EPOR: variants seen among roughly 807,000 people sequenced by gnomAD.
EPOR encodes the protein erythropoietin receptor.
In EPOR, 20 loss-of-function variants were observed where a neutral mutation model predicts 34.3. The observed-to-expected ratio is 0.58, with a 90% CI of 0.41 to 0.85. EPOR has a LOEUF of 0.85. EPOR is among the 40% of genes least tolerant of loss of function. EPOR has a pLI of 0.00. For missense variants in EPOR, 601 were observed against 672.7 expected, an observed-to-expected ratio of 0.89 and a Z score of 1.18; for synonymous variants, 312 against 299.0, an observed-to-expected ratio of 1.04 and a Z score of -0.45.
At chr19:11,382,653 G>A (rs1295678877) in intron 2 of EPOR, among the ~76,000 whole-genome samples, 2 of 152,008 alleles carry the variant, frequency 1.3e-5, no homozygotes, top group African/African-American at 2.4e-5. Flanking sequence ...GTGAGCCACC[G>A]CGCCCAGTCT....
At position 11,381,482 on chromosome 19, in the gene EPOR, G is replaced by C. The variant is rs1169166153; in HGVS notation, c.585+210C>G. On this transcript the variant is annotated intron_variant, in intron 4 of 7. Coordinates refer to ENST00000222139, the MANE Select transcript of EPOR (RefSeq NM_000121.4). The surrounding 1 kb of genome is among the most constrained non-coding windows in gnomAD (Gnocchi z 5.3). ...TAAAGGGGTCTAGGGTTACGGGCCG[G>C]AGGGAGAAGAAGTTGGGGTTCAACA... Among the ~76,000 whole-genome samples, 1 of 152,212 alleles carries C rather than the reference G, an allele frequency of 6.6e-6. No homozygotes were observed. The highest frequency in any genetic ancestry group is 1.9e-4 in the East Asian group (1 of 5,192).
intron 2 of EPOR, among the ~76,000 whole-genome samples, chr19:11,382,361 CTTTT>C (rs869111819): frequency 1.6e-5 from 2 of 124,890 alleles, no homozygotes; most frequent in Non-Finnish European, 1.7e-5. Flanking sequence ...CCACGCCTGG[CTTTT>C]TTTTTTTTTT....
In EPOR at chr19:11,380,978, G is replaced by A. The variant is rs1968347169; in HGVS notation, c.740-7C>T. ...AGGATGAGGGGGTCCAGGTCTAAGA[G>A]GCGGGGAGGAGGTCAGGGCGGTGGG... On this transcript the variant is annotated splice_polypyrimidine_tract_variant and splice_region_variant and intron_variant, in intron 5 of 7. Transcript: ENST00000222139. 6 of 1,553,112 alleles carry A rather than the reference G, an allele frequency of 3.9e-6. No homozygotes were observed. In the East Asian group the frequency reaches 1.5e-4, roughly 38 times the overall value.
Position 11,383,625 on chromosome 19 carries a change from G to A in EPOR, c.116-393C>T, listed in dbSNP as rs1047263475. The A allele has an allele frequency of 1.3e-4, 30 of 232,854 alleles. No homozygotes were observed. The highest frequency in any genetic ancestry group is 2.1e-4 in the Non-Finnish European group (25 of 118,198). 14.4% of individuals were successfully genotyped at this position (232,854 alleles called of 1,614,324 possible). A position where few individuals can be genotyped will look rare whatever the true frequency, so the allele number is the denominator to read the frequency against. ...TCCCCGCCAACCGATAGCGCCAACCGTGCCCCCCGCCTCCCTCCCTCCACC... is the reference window on the plus strand; with the variant it reads ...TCCCCGCCAACCGATAGCGCCAACCATGCCCCCCGCCTCCCTCCCTCCACC... On this transcript the variant is annotated intron_variant, in intron 1 of 7. Coordinates refer to ENST00000222139, the MANE Select transcript of EPOR (RefSeq NM_000121.4). This position sits in a 1 kb window ranked among gnomAD's most constrained non-coding sequence, Gnocchi z 4.9.
rs1409208771 is a variant in EPOR at position 11,381,730 on chromosome 19, C to G, written c.547G>C (p.Asp183His). ...PMTSHIRYEV[D>H]VSAGNGAGSV... ...CCTGCGCCGTTGCCGGCCGAGACGT[C>G]CACCTCGTAGCGGATGTGAGACGTC... Residue 183 changes from aspartate (D) to histidine (H), a missense_variant, in exon 4 of 8, where the codon GAC (aspartate) becomes CAC (histidine). Asp to His is a moderately conservative substitution (Grantham distance 81). Coordinates refer to ENST00000222139, the MANE Select transcript of EPOR (RefSeq NM_000121.4). This position sits in a 1 kb window ranked among gnomAD's most constrained non-coding sequence, Gnocchi z 5.3. The G allele has an allele frequency of 6.2e-7, 1 of 1,612,430 alleles. No individual in the cohort carries two copies. The highest frequency in any genetic ancestry group is 8.5e-7 in the Non-Finnish European group (1 of 1,179,424).
In EPOR at chr19:11,381,579, A is replaced by T; in HGVS notation, c.585+113T>A. On this transcript the variant is annotated intron_variant, in intron 4 of 7. Transcript: ENST00000222139. This position sits in a 1 kb window ranked among gnomAD's most constrained non-coding sequence, Gnocchi z 5.3. ...CGGTCTTCAGCACCAGGGTAATGGG[A>T]TGTGGGATGTTACGGACCGGCCCTG... The T allele has an allele frequency of 9.2e-7, 1 of 1,083,180 alleles. No individual in the cohort carries two copies. The highest frequency in any genetic ancestry group is 1.3e-6 in the Non-Finnish European group (1 of 747,296). 67.1% of individuals were successfully genotyped at this position (1,083,180 alleles called of 1,614,324 possible).
chr19:11,381,384 A>C lies in EPOR; in HGVS notation c.586-175T>G, dbSNP rs78532283. On this transcript the variant is annotated intron_variant, in intron 4 of 7. Transcript: ENST00000222139. This position sits in a 1 kb window ranked among gnomAD's most constrained non-coding sequence, Gnocchi z 5.3. ...AAAGCTCAGGGCCAATCAGAGAGAGAGTCTCTGGTACGAAAGGGCGGGACC... is the reference window on the plus strand; with the variant it reads ...AAAGCTCAGGGCCAATCAGAGAGAGCGTCTCTGGTACGAAAGGGCGGGACC... The C allele has an allele frequency of 0.017, 12,765 of 743,900 alleles. 189 individuals carry two copies. Among genetic ancestry groups the C allele is most frequent in the Non-Finnish European group, 0.024 (10,691 of 452,892 alleles). 46.1% of individuals were successfully genotyped at this position (743,900 alleles called of 1,614,324 possible). A position where few individuals can be genotyped will look rare whatever the true frequency, so the allele number is the denominator to read the frequency against.
At chr19:11,380,778 G>A in intron 6 of EPOR, 106 bp downstream of exon 6, 1 of 896,716 alleles carries the variant, frequency 1.1e-6, no homozygotes, top group South Asian at 1.4e-5. Flanking sequence ...TCCTTACTGC[G>A]TGACCTTGGG....
In EPOR at chr19:11,378,465, G is replaced by A. The variant is rs773011773; in HGVS notation, c.1046C>T (p.Thr349Ile). The A allele has an allele frequency of 1.9e-6, 3 of 1,614,156 alleles. No homozygotes were observed. The highest frequency in any genetic ancestry group is 1.1e-5 in the South Asian group (1 of 91,088). The change falls in exon 8 of 8, where the codon ACA becomes ATA. Residue 349 changes from threonine (T) to isoleucine (I), a missense_variant. Physicochemically the swap from Thr to Ile is moderately conservative, Grantham distance 89. Transcript: ENST00000222139. The surrounding 1 kb of genome is among the most constrained non-coding windows in gnomAD (Gnocchi z 5.3). ...WGTMQAVEPG[T>I]DDEGPLLEPV... ...CTCCAGCAGGGGGCCCTCATCATCT[G>A]TCCCCGGCTCCACTGCCTGCATCGT...
chr19:11,377,363 AAG>A lies in EPOR; in HGVS notation c.*619_*620del. On this transcript the variant is annotated 3_prime_UTR_variant, in exon 8 of 8. Coordinates refer to ENST00000222139, the MANE Select transcript of EPOR (RefSeq NM_000121.4). ...TTTCCAGCCAGTGAGGTGTGAGAAG[AAG>A]AGAGGAAGCCCATTTCCAGGCCAGA... is the stretch of plus-strand genomic sequence containing the variant. 4.4e-6 allele frequency: 2 copies of A among 454,056 alleles called. No individual in the cohort carries two copies. The highest frequency in any genetic ancestry group is 8.8e-6 in the Non-Finnish European group (2 of 226,788). The allele number at this position is 454,056 out of a possible 1,614,324, so 28.1% of individuals were successfully genotyped here.
chr19:11,378,676 A>G lies in EPOR; in HGVS notation c.915+15T>C, dbSNP rs774415917. 1 of 1,614,170 alleles carries G rather than the reference A, an allele frequency of 6.2e-7. No individual in the cohort carries two copies. Among genetic ancestry groups the G allele is most frequent in the Non-Finnish European group, 8.5e-7 (1 of 1,179,992 alleles). ...AGGGAAGCCCAGGCACTGAGGGGAC[A>G]ACCAGGCCACCTACCTGGAAGTTAC... On this transcript the variant is annotated intron_variant, in intron 7 of 7. Coordinates refer to ENST00000222139, the MANE Select transcript of EPOR (RefSeq NM_000121.4). The surrounding 1 kb of genome is among the most constrained non-coding windows in gnomAD (Gnocchi z 5.3).
rs1173108200 is a variant in EPOR at position 11,378,808 on chromosome 19, G to C, written c.828-30C>G. ...TGAAGCCAATATAAATAGTTACATA[G>C]ATATGACTCATTGAATACTCACCAA... On this transcript the variant is annotated intron_variant, in intron 6 of 7. Transcript: ENST00000222139. This position sits in a 1 kb window ranked among gnomAD's most constrained non-coding sequence, Gnocchi z 5.3. 22 of 1,604,052 alleles carry C rather than the reference G, an allele frequency of 1.4e-5. No homozygotes were observed. The highest frequency in any genetic ancestry group is 1.8e-5 in the Non-Finnish European group (21 of 1,171,562).
At chr19:11,379,450 C>T (rs1968327050) in intron 6 of EPOR, among the ~76,000 whole-genome samples, 1 of 151,980 alleles carries the variant, frequency 6.6e-6, no homozygotes, top group Admixed American at 6.6e-5. Context: ...GCATGCACGC[C>T]TGTAATCTCA....
At position 11,381,548 on chromosome 19, in the gene EPOR, G is replaced by A. The variant is rs1599418961; in HGVS notation, c.585+144C>T. 6 of 851,714 alleles carry A rather than the reference G, an allele frequency of 7.0e-6. No individual in the cohort carries two copies. Among genetic ancestry groups the A allele is most frequent in the African/African-American group, 6.8e-5 (4 of 59,136 alleles). 52.8% of individuals were successfully genotyped at this position (851,714 alleles called of 1,614,324 possible). A position where few individuals can be genotyped will look rare whatever the true frequency, so the allele number is the denominator to read the frequency against. On this transcript the variant is annotated intron_variant, in intron 4 of 7. Transcript: ENST00000222139. This position sits in a 1 kb window ranked among gnomAD's most constrained non-coding sequence, Gnocchi z 5.3. ...TAGGAAAGGGGGTGTGTCTGTGGGC[G>A]TGGAACGGTCTTCAGCACCAGGGTA...
In EPOR at chr19:11,381,588, G is replaced by A; in HGVS notation, c.585+104C>T. ...GCACCAGGGTAATGGGATGTGGGAT[G>A]TTACGGACCGGCCCTGAAAGCGGCA... On this transcript the variant is annotated intron_variant, in intron 4 of 7. Transcript: ENST00000222139. This position sits in a 1 kb window ranked among gnomAD's most constrained non-coding sequence, Gnocchi z 5.3. The A allele has an allele frequency of 8.2e-7, 1 of 1,220,116 alleles. No individual in the cohort carries two copies. Among genetic ancestry groups the A allele is most frequent in the Non-Finnish European group, 1.2e-6 (1 of 867,978 alleles). 75.6% of individuals were successfully genotyped at this position (1,220,116 alleles called of 1,614,324 possible).
At chr19:11,382,835 G>T in intron 2 of EPOR, 1 of 1,469,556 alleles carries the variant, frequency 6.8e-7, no homozygotes, top group Non-Finnish European at 9.0e-7. Flanking sequence ...CCCCGACGTA[G>T]TAACGCCTTA....
In EPOR at chr19:11,381,986, A is replaced by T; in HGVS notation, c.371T>A (p.Val124Asp). The T allele has an allele frequency of 6.2e-7, 1 of 1,614,204 alleles. No homozygotes were observed. The change falls in exon 3 of 8, where the codon GTC (valine) becomes GAC (aspartate). Residue 124 changes from valine to aspartate, a missense_variant. Coordinates refer to ENST00000222139, the MANE Select transcript of EPOR (RefSeq NM_000121.4). This position sits in a 1 kb window ranked among gnomAD's most constrained non-coding sequence, Gnocchi z 5.3. Reference protein sequence around the residue: ...TSSFVPLELRVTAASGAPRYH... With the variant: ...TSSFVPLELRDTAASGAPRYH... ...TCGCGGAGCGCCGGAGGCTGCTGTG[A>T]CGCGCAACTCTAGGGGCACGAAGCT...
Position 11,381,270 on chromosome 19 carries a change from G to A in EPOR, c.586-61C>T. ...ACAAAAATAGATGACGTGGGGGCGG[G>A]CCCTGGTGGAACTGAGCCAATCAGG... On this transcript the variant is annotated intron_variant, in intron 4 of 7. Coordinates refer to ENST00000222139, the MANE Select transcript of EPOR (RefSeq NM_000121.4). This position sits in a 1 kb window ranked among gnomAD's most constrained non-coding sequence, Gnocchi z 5.3. The A allele has an allele frequency of 6.5e-7, 1 of 1,532,646 alleles. No homozygotes were observed. Among genetic ancestry groups the A allele is most frequent in the Non-Finnish European group, 8.8e-7 (1 of 1,133,512 alleles). The allele number at this position is 1,532,646 out of a possible 1,614,324, so 94.9% of individuals were successfully genotyped here.
chr19:11,377,555 C>T lies in EPOR; in HGVS notation c.*429G>A. ...TCCCATGGATGGCTGCCCATTTGAG[C>T]TGAGTTAGGAGAGAGAAATCATTTA... On this transcript the variant is annotated 3_prime_UTR_variant, in exon 8 of 8. Coordinates refer to ENST00000222139, the MANE Select transcript of EPOR (RefSeq NM_000121.4). 1 of 454,646 alleles carries T rather than the reference C, an allele frequency of 2.2e-6. No individual in the cohort carries two copies. The highest frequency in any genetic ancestry group is 4.4e-6 in the Non-Finnish European group (1 of 227,228). The allele number at this position is 454,646 out of a possible 1,614,324, so 28.2% of individuals were successfully genotyped here.
Sources: allele counts gnomAD v4.1 joint callset (sites outside exome capture counted in the v4.1 genomes callset), GRCh38; gene constraint gnomAD v4.1.1; non-coding constraint Gnocchi (gnomAD v3.1); transcripts MANE v1.5; gene names NCBI Gene and HGNC (gene_info 2026-07-23, HGNC 2026-07-21).